The following DCLK1 variants were observed in gnomAD, a reference collection of about 807,000 sequenced individuals.
DCLK1 encodes doublecortin like kinase 1, also known as serine/threonine-protein kinase DCLK1.
A neutral mutation model predicts 86.2 loss-of-function variants in DCLK1; 16 were observed. The observed-to-expected ratio is 0.19, with a 90% CI of 0.13 to 0.28. The LOEUF (loss-of-function observed/expected upper bound fraction) is 0.28. Ranked by LOEUF, DCLK1 falls within the 10% of genes least tolerant of loss-of-function variation. The pLI, the probability that DCLK1 is intolerant of heterozygous loss-of-function variation, is 1.00. For synonymous variants in DCLK1, 369 were observed against 370.5 expected, an observed-to-expected ratio of 1.00 and a Z score of 0.05; for missense variants, 590 against 940.2, an observed-to-expected ratio of 0.63 and a Z score of 4.87.
At chr13:36,097,149 A>C (rs1885046827) in intron 3 of DCLK1, among the ~76,000 whole-genome samples, 1 of 152,212 alleles carries the variant, frequency 6.6e-6, no homozygotes, top group Non-Finnish European at 1.5e-5. Flanking sequence ...CTATAAAAGC[A>C]GATAGAAAAA....
chr13:35,944,430 CA>C (rs1403175472), intron 4 of DCLK1, among the ~76,000 whole-genome samples: 1 of 152,088 alleles, frequency 6.6e-6, no homozygotes, highest in Non-Finnish European at 1.5e-5. Context: ...CATCGATGTG[CA>C]AATACCACTT....
intron 11 of DCLK1, among the ~76,000 whole-genome samples, chr13:35,814,273 G>A (rs150010479): frequency 2.5e-3 from 376 of 151,916 alleles, no homozygotes; most frequent in Non-Finnish European, 4.3e-3. Context: ...GCGCACACAC[G>A]CACACACACA....
intron 4 of DCLK1, among the ~76,000 whole-genome samples, chr13:35,889,328 A>C (rs1785064824): frequency 1.3e-5 from 2 of 152,286 alleles, no homozygotes; most frequent in South Asian, 2.1e-4. Flanking sequence ...TTATTTTTGT[A>C]AATACGTTAT....
At chr13:36,061,975 A>G (rs1883564018) in intron 3 of DCLK1, among the ~76,000 whole-genome samples, 1 of 152,158 alleles carries the variant, frequency 6.6e-6, no homozygotes, top group Non-Finnish European at 1.5e-5. Flanking sequence ...TCATCTGTTA[A>G]GCACCTCTCT....
chr13:35,855,846 T>A, intron 5 of DCLK1: 1 of 1,171,980 alleles, frequency 8.5e-7, no homozygotes, highest in Non-Finnish European at 1.1e-6. Flanking sequence ...TACTTTGCAC[T>A]GAATCATAAT....
intron 4 of DCLK1, among the ~76,000 whole-genome samples, chr13:35,942,426 A>G (rs1593754024): frequency 6.6e-6 from 1 of 152,030 alleles, no homozygotes; most frequent in South Asian, 2.1e-4. Context: ...CTCGTGATCC[A>G]CCCGCCTTGG....
At chr13:35,912,676 T>C (rs7327642) in intron 4 of DCLK1, among the ~76,000 whole-genome samples, 52,139 of 151,948 alleles carry the variant, frequency 0.34, 9,921 homozygotes, top group African/African-American at 0.49. Flanking sequence ...TTCAAGTATC[T>C]GTGTAACTAA....
At chr13:36,040,981 A>G (rs528448548) in intron 3 of DCLK1, among the ~76,000 whole-genome samples, 2 of 152,134 alleles carry the variant, frequency 1.3e-5, no homozygotes, top group African/African-American at 4.8e-5. Flanking sequence ...TGGCACTATA[A>G]GATTCTTCAG....
chr13:36,087,151 C>T (rs970339032), intron 3 of DCLK1, among the ~76,000 whole-genome samples: 2 of 152,124 alleles, frequency 1.3e-5, no homozygotes, highest in African/African-American at 4.8e-5. Flanking sequence ...TTTTAATGAT[C>T]GATCGCCATT....
At chr13:35,966,737 C>T (rs935202066) in intron 3 of DCLK1, among the ~76,000 whole-genome samples, 28 of 152,166 alleles carry the variant, frequency 1.8e-4, no homozygotes, top group South Asian at 8.3e-4. Flanking sequence ...AGCTCCTGAC[C>T]GCGAGTGATC....
At position 35,978,203 on chromosome 13, in the gene DCLK1, C is replaced by CTTT. The variant is rs11311688; in HGVS notation, c.724-30749_724-30747dup. Among the ~76,000 whole-genome samples the CTTT allele has an allele frequency of 2.7e-3, 220 of 82,736 alleles. 1 individual carries two copies. Among genetic ancestry groups the CTTT allele is most frequent in the East Asian group, 4.2e-3 (11 of 2,610 alleles). 54.3% of individuals were successfully genotyped at this position (82,736 alleles called of 152,430 possible). A position where few individuals can be genotyped will look rare whatever the true frequency, so the allele number is the denominator to read the frequency against. Reference sequence around the variant, plus strand: ...TCCAGTTTTTTTTTTCTTTTCTTTTCTTTTTTTTTTTTTTTTTTTTTTTGA... The same window carrying CTTT: ...TCCAGTTTTTTTTTTCTTTTCTTTTCTTTTTTTTTTTTTTTTTTTTTTTTTTGA... On this transcript the variant is annotated intron_variant, in intron 3 of 16. Coordinates refer to ENST00000360631, the MANE Select transcript of DCLK1 (RefSeq NM_001330071.2).
At chr13:36,125,300 T>C (rs368811405) in intron 2 of DCLK1, among the ~76,000 whole-genome samples, 1 of 152,168 alleles carries the variant, frequency 6.6e-6, no homozygotes, top group African/African-American at 2.4e-5. Flanking sequence ...AATTTTCTGG[T>C]CCTTAGACTC....
At chr13:35,993,597 A>C (rs766049270) in intron 3 of DCLK1, among the ~76,000 whole-genome samples, 14 of 152,102 alleles carry the variant, frequency 9.2e-5, no homozygotes, top group Non-Finnish European at 1.8e-4. Context: ...CCGCATCTAC[A>C]CATTGGGGGA....
At chr13:36,001,914 C>T (rs1445929049) in intron 3 of DCLK1, among the ~76,000 whole-genome samples, 3 of 152,088 alleles carry the variant, frequency 2.0e-5, no homozygotes, top group Non-Finnish European at 4.4e-5. Context: ...TTCTCAGTAT[C>T]AAGTAGATGA....
intron 16 of DCLK1, among the ~76,000 whole-genome samples, chr13:35,792,530 G>T (rs2086726916): frequency 6.6e-6 from 1 of 152,064 alleles, no homozygotes. Context: ...TAAATTCTTT[G>T]TTTGGAGAAG....
intron 3 of DCLK1, among the ~76,000 whole-genome samples, chr13:36,009,724 A>C (rs1383986862): frequency 2.6e-5 from 3 of 114,574 alleles, no homozygotes; most frequent in Non-Finnish European, 5.4e-5. Context: ...TTTTGGTTCC[A>C]TATGAACTTT....
chr13:36,068,244 C>A (rs891224209), intron 3 of DCLK1, among the ~76,000 whole-genome samples: 2 of 152,114 alleles, frequency 1.3e-5, no homozygotes, highest in Non-Finnish European at 2.9e-5. Flanking sequence ...TGCTGGGCAA[C>A]AAAGATAAAT....
intron 3 of DCLK1, among the ~76,000 whole-genome samples, chr13:35,982,409 G>GGA (rs1165995449): frequency 2.7e-5 from 2 of 74,282 alleles, no homozygotes; most frequent in African/African-American, 1.0e-4. Flanking sequence ...GAAAAGAAAG[G>GGA]GAGAGAGAGA....
intron 5 of DCLK1, among the ~76,000 whole-genome samples, chr13:35,861,436 C>T (rs1051515087): frequency 6.6e-6 from 1 of 152,086 alleles, no homozygotes; most frequent in Non-Finnish European, 1.5e-5. Context: ...CCAATCGCTG[C>T]AGGACAGCTC....
Sources: allele counts gnomAD v4.1 joint callset (sites outside exome capture counted in the v4.1 genomes callset), GRCh38; gene constraint gnomAD v4.1.1; transcripts MANE v1.5; gene names NCBI Gene and HGNC (gene_info 2026-07-23, HGNC 2026-07-21).